Variants in ARHGAP29 observed in about 807,000 individuals in gnomAD.
ARHGAP29 encodes the protein rho GTPase-activating protein 29.
In ARHGAP29, 43 loss-of-function variants were observed where a neutral mutation model predicts 122.6. The ratio of observed to expected loss-of-function variants is 0.35; its 90% CI spans 0.27 to 0.45. The LOEUF (loss-of-function observed/expected upper bound fraction) is 0.45. ARHGAP29 is among the 20% of genes least tolerant of loss of function. The pLI, the probability that ARHGAP29 is intolerant of heterozygous loss-of-function variation, is 1.00. For synonymous variants in ARHGAP29, 506 were observed against 497.1 expected (o/e 1.02, Z -0.24); for missense variants, 1,303 against 1,477.2 (o/e 0.88, Z 1.93).
At chr1:94,185,742 G>A (rs1048263479) in intron 16 of ARHGAP29, among the ~76,000 whole-genome samples, 1 of 151,916 alleles carries the variant, frequency 6.6e-6, no homozygotes, top group Non-Finnish European at 1.5e-5. Context: ...ATGACATAAC[G>A]TTTTCAGAAT....
intron 1 of ARHGAP29, among the ~76,000 whole-genome samples, chr1:94,252,715 A>G (rs955749555): frequency 8.5e-6 from 1 of 117,822 alleles, no homozygotes; most frequent in Non-Finnish European, 2.0e-5. Flanking sequence ...AAGTTCTCTA[A>G]TGAAAAAAAA....
intron 12 of ARHGAP29, chr1:94,194,580 TTCTC>T (rs1345313001): frequency 4.5e-5 from 4 of 88,840 alleles, no homozygotes; most frequent in African/African-American, 1.2e-4. Context: ...GACTGTTCTT[TTCTC>T]TCTGTGTCCT....
chr1:94,299,131 G>A, the ARHGAP29 span, among the ~76,000 whole-genome samples: 1 of 151,536 alleles, frequency 6.6e-6, no homozygotes, highest in Admixed American at 6.5e-5. Context: ...TAATCCTGCA[G>A]TATTAATGTT....
the ARHGAP29 span, among the ~76,000 whole-genome samples, chr1:94,284,052 T>C: frequency 1.3e-5 from 2 of 149,632 alleles, no homozygotes; most frequent in Non-Finnish European, 3.0e-5. Context: ...TTAGGTTATG[T>C]TGATTCTGGC....
chr1:94,285,735 C>T, the ARHGAP29 span, among the ~76,000 whole-genome samples: 1 of 151,840 alleles, frequency 6.6e-6, no homozygotes, highest in Non-Finnish European at 1.5e-5. Context: ...ATTAGCTAGG[C>T]ATGGTGGCAT....
upstream of ARHGAP29, among the ~76,000 whole-genome samples, chr1:94,239,416 C>T (rs1196868846): frequency 1.3e-5 from 2 of 152,056 alleles, no homozygotes; most frequent in Non-Finnish European, 2.9e-5. Context: ...CTGACAAAAT[C>T]ATGAACAAGT....
intron 1 of ARHGAP29, among the ~76,000 whole-genome samples, chr1:94,256,962 T>C (rs1257472299): frequency 6.6e-6 from 1 of 152,190 alleles, no homozygotes; most frequent in Non-Finnish European, 1.5e-5. Flanking sequence ...GTATATACTT[T>C]TCAGGTTTTT....
upstream of ARHGAP29, among the ~76,000 whole-genome samples, chr1:94,241,734 T>TTA (rs1309508488): frequency 0.053 from 7,136 of 135,190 alleles, 264 homozygotes; most frequent in African/African-American, 0.1. Flanking sequence ...TAATATATAT[T>TTA]TATATATATA....
upstream of ARHGAP29, among the ~76,000 whole-genome samples, chr1:94,238,053 A>ACT (rs1653412858): frequency 1.6e-5 from 1 of 61,008 alleles, no homozygotes; most frequent in Non-Finnish European, 2.8e-5. Context: ...GCCTATCTGT[A>ACT]TTTTTTTTTT....
At chr1:94,259,997 G>T (rs952694426) in intron 1 of ARHGAP29, among the ~76,000 whole-genome samples, 2 of 152,176 alleles carry the variant, frequency 1.3e-5, no homozygotes, top group African/African-American at 4.8e-5. Flanking sequence ...TCTCTACGGA[G>T]TTTCTGTAGA....
chr1:94,209,122 G>T, intron 4 of ARHGAP29, 132 bp downstream of exon 4: 1 of 808,258 alleles, frequency 1.2e-6, no homozygotes, highest in Non-Finnish European at 2.0e-6. Flanking sequence ...CCATACAGAA[G>T]GTAGTTTTTC....
chr1:94,209,383 A>G (rs1236875738), intron 3 of ARHGAP29, 33 bp from the exon 4 acceptor site: 1 of 1,371,694 alleles, frequency 7.3e-7, no homozygotes. Context: ...ATAAGGAAAA[A>G]CATACTTTAA....
intron 12 of ARHGAP29, chr1:94,195,691 A>G (rs1299200871): frequency 6.6e-6 from 1 of 152,150 alleles, no homozygotes; most frequent in East Asian, 1.9e-4. Context: ...TAAACACTCC[A>G]CTTATAAGAT....
intron 2 of ARHGAP29, among the ~76,000 whole-genome samples, chr1:94,229,763 C>T (rs1329102247): frequency 2.0e-5 from 3 of 151,496 alleles, no homozygotes; most frequent in Non-Finnish European, 4.4e-5. Context: ...GGTCAACTTT[C>T]AGTTGACCTT....
chr1:94,222,918 T>A (rs565737303), intron 2 of ARHGAP29, among the ~76,000 whole-genome samples: 23 of 150,982 alleles, frequency 1.5e-4, no homozygotes, highest in Non-Finnish European at 3.1e-4. Flanking sequence ...AGGAATTTTA[T>A]GTGCTGTTGA....
intron 1 of ARHGAP29, among the ~76,000 whole-genome samples, chr1:94,233,488 T>C (rs1653059503): frequency 6.6e-6 from 1 of 152,168 alleles, no homozygotes; most frequent in Non-Finnish European, 1.5e-5. Context: ...TCTTGTCTCA[T>C]CACAAATGTA....
At chr1:94,193,839 T>C (rs2101457744) in intron 12 of ARHGAP29, 1 of 152,318 alleles carries the variant, frequency 6.6e-6, no homozygotes, top group East Asian at 1.9e-4. Context: ...ATGGAACCAC[T>C]AGAATGCAAG....
chr1:94,306,229 G>C, the ARHGAP29 span, among the ~76,000 whole-genome samples: 1 of 152,200 alleles, frequency 6.6e-6, no homozygotes, highest in African/African-American at 2.4e-5. Context: ...GCTGTGATGG[G>C]GATGGGCAGG....
At chr1:94,207,581 T>C (rs552122068) in intron 5 of ARHGAP29, among the ~76,000 whole-genome samples, 3 of 152,286 alleles carry the variant, frequency 2.0e-5, no homozygotes, top group South Asian at 2.1e-4. Flanking sequence ...TCTTCTGAAG[T>C]AGTAGCAACA....
Sources: allele counts gnomAD v4.1 joint callset (sites outside exome capture counted in the v4.1 genomes callset), GRCh38; gene constraint gnomAD v4.1.1; transcripts MANE v1.5; gene names NCBI Gene and HGNC (gene_info 2026-07-23, HGNC 2026-07-21).